MYO1D: variants seen among roughly 807,000 people sequenced by gnomAD.
MYO1D encodes unconventional myosin-Id.
In MYO1D, 83 loss-of-function variants were observed where a neutral mutation model predicts 122.0. The observed-to-expected ratio is 0.68, with a 90% CI of 0.57 to 0.82. The LOEUF is 0.82. MYO1D is among the 40% of genes least tolerant of loss of function. MYO1D has a pLI of 0.00. For missense variants in MYO1D, 1,157 were observed against 1,269.5 expected (o/e 0.91, Z 1.35); for synonymous variants, 464 against 446.9 (o/e 1.04, Z -0.48).
intron 8 of MYO1D, among the ~76,000 whole-genome samples, chr17:32,761,993 T>C (rs1217042482): frequency 6.6e-6 from 1 of 152,034 alleles, no homozygotes; most frequent in Non-Finnish European, 1.5e-5. Context: ...ATTCTCTCTG[T>C]CTCTCTCACT....
intron 21 of MYO1D, among the ~76,000 whole-genome samples, chr17:32,527,984 G>C (rs1220765646): frequency 6.6e-6 from 1 of 152,004 alleles, no homozygotes; most frequent in Non-Finnish European, 1.5e-5. Context: ...AATTACAGGC[G>C]CCCGCCACCA....
chr17:32,646,864 T>C (rs994458649), intron 19 of MYO1D, among the ~76,000 whole-genome samples: 5 of 152,176 alleles, frequency 3.3e-5, no homozygotes, highest in East Asian at 1.9e-4. Flanking sequence ...TTTAGCTATA[T>C]TAAAATGGCA....
At chr17:32,561,649 C>T (rs9912455) in intron 21 of MYO1D, among the ~76,000 whole-genome samples, 5,097 of 145,224 alleles carry the variant, frequency 0.035, 273 homozygotes, top group African/African-American at 0.11. Flanking sequence ...GAGATCCCGC[C>T]ACTGCACTCC....
intron 3 of MYO1D, among the ~76,000 whole-genome samples, chr17:32,777,157 A>G (rs975597722): frequency 5.9e-5 from 9 of 152,228 alleles, no homozygotes; most frequent in African/African-American, 2.2e-4. Context: ...AAGGAAATTA[A>G]GAAAATTTAC....
At chr17:32,662,150 G>C (rs979021079) in intron 16 of MYO1D, among the ~76,000 whole-genome samples, 1 of 152,002 alleles carries the variant, frequency 6.6e-6, no homozygotes, top group Non-Finnish European at 1.5e-5. Context: ...CCTATCCTGG[G>C]GCTTTTTAAA....
chr17:32,695,498 A>T (rs2089160755), intron 16 of MYO1D, among the ~76,000 whole-genome samples: 2 of 152,152 alleles, frequency 1.3e-5, no homozygotes, highest in Admixed American at 6.5e-5. Flanking sequence ...TGTTTCCTTG[A>T]CACAGATCTA....
intron 21 of MYO1D, among the ~76,000 whole-genome samples, chr17:32,596,302 T>C (rs2150907796): frequency 6.6e-6 from 1 of 152,206 alleles, no homozygotes; most frequent in South Asian, 2.1e-4. Context: ...TGGAAACGGG[T>C]ATTCAGGTTT....
intron 17 of MYO1D, among the ~76,000 whole-genome samples, chr17:32,655,420 G>T (rs1441009451): frequency 6.6e-6 from 1 of 152,216 alleles, no homozygotes; most frequent in Non-Finnish European, 1.5e-5. Context: ...AGGACCGGGA[G>T]TGTGGAAGAT....
rs749819200 is a variant in MYO1D at position 32,563,204 on chromosome 17, C to CTTTTTTTTTTTTTTTTTTTTT, written c.2864+41882_2864+41883insAAAAAAAAAAAAAAAAAAAAA. Among the ~76,000 whole-genome samples, 3 of 105,132 alleles carry CTTTTTTTTTTTTTTTTTTTTT rather than the reference C, an allele frequency of 2.9e-5. 1 individual carries two copies. Among genetic ancestry groups the CTTTTTTTTTTTTTTTTTTTTT allele is most frequent in the African/African-American group, 1.3e-4 (3 of 23,898 alleles). The allele number at this position is 105,132 out of a possible 152,430, so 69.0% of individuals were successfully genotyped here. A position where few individuals can be genotyped will look rare whatever the true frequency, so the allele number is the denominator to read the frequency against. On this transcript the variant is annotated intron_variant, in intron 21 of 21. Coordinates refer to ENST00000318217, the MANE Select transcript of MYO1D (RefSeq NM_015194.3). Reference sequence around the variant, plus strand: ...GCAATTACAGCTCTTTTTTTCTTCTCTCTTTTTTTTTTTTTTTTTTTTTGA... The same window carrying CTTTTTTTTTTTTTTTTTTTTT: ...GCAATTACAGCTCTTTTTTTCTTCTCTTTTTTTTTTTTTTTTTTTTTTCTTTTTTTTTTTTTTTTTTTTTGA...
intron 4 of MYO1D, among the ~76,000 whole-genome samples, chr17:32,773,883 T>C (rs1256180287): frequency 6.6e-6 from 1 of 152,126 alleles, no homozygotes; most frequent in Non-Finnish European, 1.5e-5. Context: ...CTCCCTAGTC[T>C]CTGCTCCCAA....
chr17:32,573,921 G>A lies in MYO1D; in HGVS notation c.2864+31166C>T, dbSNP rs1041976284. Among the ~76,000 whole-genome samples the A allele has an allele frequency of 9.9e-5, 15 of 152,126 alleles. No homozygotes were observed. The South Asian group carries it at 2.9e-3, about 29-fold the overall frequency. The stretch of plus-strand genomic sequence containing the variant: ...GGCTGGAGTGCAGTGGCGCAATCTC[G>A]ACTCACTGCAGGCTCCGCCCCCCAG... On this transcript the variant is annotated intron_variant, in intron 21 of 21. Coordinates refer to ENST00000318217, the MANE Select transcript of MYO1D (RefSeq NM_015194.3).
chr17:32,653,651 G>C (rs915231002), intron 19 of MYO1D, among the ~76,000 whole-genome samples, 192 bp downstream of exon 19: 9 of 150,956 alleles, frequency 6.0e-5, no homozygotes, highest in African/African-American at 1.7e-4. Context: ...CCTTAGGAAG[G>C]CTTTATAGCC....
At chr17:32,530,343 G>T (rs993694031) in intron 21 of MYO1D, among the ~76,000 whole-genome samples, 1 of 152,124 alleles carries the variant, frequency 6.6e-6, no homozygotes, top group African/African-American at 2.4e-5. Context: ...TATAATAATT[G>T]CATCTCAACA....
At chr17:32,800,828 C>T (rs2090454534) in intron 1 of MYO1D, among the ~76,000 whole-genome samples, 1 of 152,052 alleles carries the variant, frequency 6.6e-6, no homozygotes, top group Non-Finnish European at 1.5e-5. Flanking sequence ...CCACCTCAGC[C>T]TCCTGAGTAG....
intron 21 of MYO1D, among the ~76,000 whole-genome samples, chr17:32,549,069 A>G (rs2086989158): frequency 6.6e-6 from 1 of 151,206 alleles, no homozygotes; most frequent in Admixed American, 6.6e-5. Context: ...CTGAAAAAAT[A>G]TATGTTACAC....
At chr17:32,830,492 G>A (rs1278136142) in intron 1 of MYO1D, among the ~76,000 whole-genome samples, 6 of 152,190 alleles carry the variant, frequency 3.9e-5, no homozygotes, top group African/African-American at 1.4e-4. Context: ...AGCAGAACAT[G>A]AAGCTAATAA....
intron 11 of MYO1D, among the ~76,000 whole-genome samples, chr17:32,749,593 G>A (rs1475629637): frequency 6.6e-6 from 1 of 152,036 alleles, no homozygotes; most frequent in Non-Finnish European, 1.5e-5. Context: ...TAGGCGTGGT[G>A]GTATGCATCT....
At chr17:32,665,436 G>A (rs2088623933) in intron 16 of MYO1D, among the ~76,000 whole-genome samples, 1 of 152,100 alleles carries the variant, frequency 6.6e-6, no homozygotes, top group South Asian at 2.1e-4. Flanking sequence ...AATAATATTT[G>A]CCGAATGAAT....
At chr17:32,527,488 G>A (rs758453937) in intron 21 of MYO1D, among the ~76,000 whole-genome samples, 4 of 152,268 alleles carry the variant, frequency 2.6e-5, no homozygotes. Context: ...CATTTCCTGC[G>A]CTTGTCAAAG....
Sources: gnomAD v4.1 joint callset for allele counts (sites outside exome capture counted in the v4.1 genomes callset) on GRCh38, gnomAD v4.1.1 for gene constraint, MANE v1.5 for transcripts, NCBI Gene and HGNC (gene_info 2026-07-23, HGNC 2026-07-21) for gene names.